SLC2A13: variants seen among roughly 807,000 people sequenced by gnomAD.
SLC2A13 encodes proton myo-inositol cotransporter.
Under a neutral mutation model 64.4 loss-of-function variants are expected in SLC2A13, and 32 were observed. That is an observed-to-expected ratio of 0.50 (90% CI 0.37 to 0.67). SLC2A13 has a LOEUF of 0.67. Among genes scored for constraint, SLC2A13 ranks in the 30% least tolerant of loss-of-function variants. The pLI is 0.00. For missense variants in SLC2A13, 743 were observed against 829.2 expected (o/e 0.90, Z 1.28); for synonymous variants, 338 against 327.1 (o/e 1.03, Z -0.36).
chr12:39,978,839 C>T (rs1190612026), intron 3 of SLC2A13, among the ~76,000 whole-genome samples: 3 of 151,878 alleles, frequency 2.0e-5, no homozygotes, highest in Middle Eastern at 3.4e-3. Flanking sequence ...AGGAGGCCTG[C>T]CTGCCTCTGT....
At chr12:40,090,308 T>C (rs11564160) in intron 1 of SLC2A13, among the ~76,000 whole-genome samples, 18,886 of 152,200 alleles carry the variant, frequency 0.12, 1,550 homozygotes, top group Middle Eastern at 0.18. Flanking sequence ...TCATGTTTAT[T>C]CATCTTAATT....
Position 39,764,256 on chromosome 12 carries a change from A to G in SLC2A13, c.1720+204T>C, listed in dbSNP as rs576741011. On this transcript the variant is annotated intron_variant, in intron 9 of 9. Transcript: ENST00000280871. ...ACAGCCCTAAGCACTGTGGAACAAGAAGCAGTGCTGTTTAGGATAGGAGAA... is the reference window on the plus strand; with the variant it reads ...ACAGCCCTAAGCACTGTGGAACAAGGAGCAGTGCTGTTTAGGATAGGAGAA... Among the ~76,000 whole-genome samples, 4 of 152,148 alleles carry G rather than the reference A, an allele frequency of 2.6e-5. No homozygotes were observed. In the East Asian group the frequency reaches 7.8e-4, roughly 30 times the overall value.
At chr12:39,990,690 G>A (rs518159) in intron 3 of SLC2A13, among the ~76,000 whole-genome samples, 1 of 152,070 alleles carries the variant, frequency 6.6e-6, no homozygotes, top group Non-Finnish European at 1.5e-5. Context: ...CACTGTGGGG[G>A]GCCTCCATTG....
intron 3 of SLC2A13, among the ~76,000 whole-genome samples, chr12:39,973,434 T>C (rs1946703138): frequency 6.6e-6 from 1 of 152,184 alleles, no homozygotes; most frequent in Non-Finnish European, 1.5e-5. Context: ...CCAGATTCCT[T>C]CTCTTCTCCC....
At chr12:40,085,566 T>C (rs1490203301) in intron 1 of SLC2A13, among the ~76,000 whole-genome samples, 1 of 152,224 alleles carries the variant, frequency 6.6e-6, no homozygotes, top group African/African-American at 2.4e-5. Context: ...CAGAAGTCTT[T>C]TGTGTTGACT....
chr12:40,042,010 A>G (rs1948097389), intron 2 of SLC2A13, among the ~76,000 whole-genome samples: 1 of 152,176 alleles, frequency 6.6e-6, no homozygotes, highest in African/African-American at 2.4e-5. Flanking sequence ...TGTCCACCTG[A>G]GTCCCATCAA....
At chr12:40,028,161 T>C (rs910355907) in intron 3 of SLC2A13, 140 bp downstream of exon 3, 4 of 413,472 alleles carry the variant, frequency 9.7e-6, no homozygotes, top group Non-Finnish European at 1.6e-5. Flanking sequence ...ATATGGATAT[T>C]TTTGTATAAA....
intron 7 of SLC2A13, among the ~76,000 whole-genome samples, chr12:39,784,600 T>C (rs527361505): frequency 6.6e-6 from 1 of 152,304 alleles, no homozygotes; most frequent in East Asian, 1.9e-4. Flanking sequence ...ACTTAAATGT[T>C]AGACCTAAAA....
intron 7 of SLC2A13, among the ~76,000 whole-genome samples, chr12:39,788,239 A>G (rs1010710181): frequency 1.3e-5 from 2 of 152,138 alleles, no homozygotes; most frequent in Non-Finnish European, 2.9e-5. Context: ...TAAGTTAGGC[A>G]CAGTAAGAGA....
At chr12:39,855,677 T>A (rs1943589711) in intron 6 of SLC2A13, among the ~76,000 whole-genome samples, 1 of 152,222 alleles carries the variant, frequency 6.6e-6, no homozygotes, top group Non-Finnish European at 1.5e-5. Context: ...TGCATAAATG[T>A]TTTTTCTAAA....
At chr12:39,821,936 T>C (rs1056904120) in intron 7 of SLC2A13, among the ~76,000 whole-genome samples, 1 of 152,192 alleles carries the variant, frequency 6.6e-6, no homozygotes, top group Admixed American at 6.5e-5. Flanking sequence ...TTTATTATTA[T>C]ACTTTAAGTT....
chr12:39,838,816 G>A (rs1403962182), intron 6 of SLC2A13, among the ~76,000 whole-genome samples: 1 of 152,030 alleles, frequency 6.6e-6, no homozygotes, highest in Non-Finnish European at 1.5e-5. Flanking sequence ...GTGAAGCTGG[G>A]TGTGAACTCA....
At chr12:40,094,878 G>A (rs1294918664) in intron 1 of SLC2A13, among the ~76,000 whole-genome samples, 16 of 152,222 alleles carry the variant, frequency 1.1e-4, no homozygotes. Context: ...GCTTTGAATA[G>A]GAGACAGGGA....
chr12:39,959,632 T>C (rs1946375190), intron 3 of SLC2A13, among the ~76,000 whole-genome samples: 1 of 152,214 alleles, frequency 6.6e-6, no homozygotes, highest in Admixed American at 6.5e-5. Flanking sequence ...AGTATCTACA[T>C]AAATGAAGCA....
chr12:39,858,546 C>A (rs1220551768), intron 6 of SLC2A13, among the ~76,000 whole-genome samples: 1 of 152,116 alleles, frequency 6.6e-6, no homozygotes, highest in Non-Finnish European at 1.5e-5. Context: ...GCTAAACACA[C>A]TATTACCAGG....
chr12:39,858,633 G>T (rs1049437745), intron 6 of SLC2A13, among the ~76,000 whole-genome samples: 1 of 152,144 alleles, frequency 6.6e-6, no homozygotes, highest in Non-Finnish European at 1.5e-5. Context: ...TTGAGATGGA[G>T]TCTTGCACTA....
intron 6 of SLC2A13, among the ~76,000 whole-genome samples, chr12:39,839,782 T>C (rs1357530124): frequency 6.6e-6 from 1 of 152,082 alleles, no homozygotes; most frequent in Non-Finnish European, 1.5e-5. Flanking sequence ...CTTTCTTTCC[T>C]TTGTTTCTCT....
At chr12:39,899,763 T>C (rs1248614317) in intron 4 of SLC2A13, among the ~76,000 whole-genome samples, 1 of 152,188 alleles carries the variant, frequency 6.6e-6, no homozygotes, top group African/African-American at 2.4e-5. Flanking sequence ...AGGAGCAGGT[T>C]GTTCAGTTTC....
chr12:40,051,070 C>A lies in SLC2A13; in HGVS notation c.557-2860G>T, dbSNP rs192632467. Among the ~76,000 whole-genome samples, 76 of 152,142 alleles carry A rather than the reference C, an allele frequency of 5.0e-4. 1 individual carries two copies. The highest frequency in any genetic ancestry group is 1.8e-3 in the African/African-American group (73 of 41,506). On this transcript the variant is annotated intron_variant, in intron 1 of 9. Coordinates refer to ENST00000280871, the MANE Select transcript of SLC2A13 (RefSeq NM_052885.4). ...GGTGACAGGATTATAAGGATGAGTA[C>A]AAACAAATAAAATAGGGTCCCTGCT... is the stretch of plus-strand genomic sequence containing the variant.
Sources: gnomAD v4.1 joint callset for allele counts (sites outside exome capture counted in the v4.1 genomes callset) on GRCh38, gnomAD v4.1.1 for gene constraint, MANE v1.5 for transcripts, NCBI Gene and HGNC (gene_info 2026-07-23, HGNC 2026-07-21) for gene names.